The following TTC6 variants were observed in gnomAD, a reference collection of about 807,000 sequenced individuals.
TTC6 encodes tetratricopeptide repeat protein 6.
A neutral mutation model predicts 210.4 loss-of-function variants in TTC6; 172 were observed. The observed-to-expected ratio is 0.82, with a 90% CI of 0.72 to 0.93. TTC6 has a LOEUF of 0.93. Among genes scored for constraint, TTC6 ranks in the 40% least tolerant of loss-of-function variants. The probability of loss-of-function intolerance (pLI) is 0.00; values close to 1 mark genes in which losing one functional copy is unlikely to be tolerated. For synonymous variants in TTC6, 804 were observed against 819.6 expected (o/e 0.98, Z 0.32); for missense variants, 2,414 against 2,318.1 (o/e 1.04, Z -0.85).
At chr14:37,793,529 A>G (rs1595275640) in intron 17 of TTC6, among the ~76,000 whole-genome samples, 2 of 152,266 alleles carry the variant, frequency 1.3e-5, no homozygotes, top group South Asian at 4.1e-4. Flanking sequence ...TCTGCTGACA[A>G]TGGAGGTAGG....
chr14:37,818,012 A>G (rs1179044900), intron 26 of TTC6, among the ~76,000 whole-genome samples: 4 of 152,182 alleles, frequency 2.6e-5, no homozygotes, highest in Non-Finnish European at 4.4e-5. Flanking sequence ...AAAATAATTT[A>G]TTTTGTTCAT....
chr14:37,745,859 A>G (rs562483234), intron 10 of TTC6, among the ~76,000 whole-genome samples: 6 of 152,094 alleles, frequency 3.9e-5, no homozygotes, highest in African/African-American at 4.8e-5. Flanking sequence ...ACTTTGCCCA[A>G]CCTTCCTGTT....
chr14:37,739,637 A>G (rs1384123840), intron 10 of TTC6, among the ~76,000 whole-genome samples: 1 of 151,824 alleles, frequency 6.6e-6, no homozygotes, highest in Non-Finnish European at 1.5e-5. Context: ...TCTTAGTATA[A>G]GTATGTGAAT....
chr14:37,744,074 T>C (rs1318536849), intron 10 of TTC6, among the ~76,000 whole-genome samples: 1 of 152,210 alleles, frequency 6.6e-6, no homozygotes, highest in Non-Finnish European at 1.5e-5. Flanking sequence ...GTTTATCAGC[T>C]TAAAGTGAAG....
intron 18 of TTC6, among the ~76,000 whole-genome samples, chr14:37,795,895 G>C (rs2096091606): frequency 5.3e-5 from 8 of 152,074 alleles, no homozygotes; most frequent in Admixed American, 5.2e-4. Flanking sequence ...TATAGACCTG[G>C]GAAATGGAAT....
intron 29 of TTC6, among the ~76,000 whole-genome samples, chr14:37,835,553 C>G (rs1350258279): frequency 2.0e-5 from 3 of 152,042 alleles, no homozygotes; most frequent in Admixed American, 6.6e-5. Flanking sequence ...GGTTTGGGCA[C>G]AGTTGAATGT....
At chr14:37,684,430 C>A (rs1486063261) in intron 3 of TTC6, among the ~76,000 whole-genome samples, 1 of 152,168 alleles carries the variant, frequency 6.6e-6, no homozygotes, top group Non-Finnish European at 1.5e-5. Flanking sequence ...TGGTGACTGA[C>A]CCCATCAGTC....
At chr14:37,607,717 C>T (rs1467837639) in intron 2 of TTC6, among the ~76,000 whole-genome samples, 1 of 151,306 alleles carries the variant, frequency 6.6e-6, no homozygotes. Context: ...CAGCCTTGGA[C>T]TCCTGGGCTC....
chr14:37,623,043 C>T (rs1304868228), intron 1 of TTC6, 40 bp downstream of exon 3: 2 of 1,376,170 alleles, frequency 1.5e-6, no homozygotes, highest in Admixed American at 2.9e-5. Flanking sequence ...TTCCCAAATG[C>T]AATTTGGGTT....
At chr14:37,770,650 T>C (rs1215880607) in intron 14 of TTC6, among the ~76,000 whole-genome samples, 1 of 152,022 alleles carries the variant, frequency 6.6e-6, no homozygotes, top group Non-Finnish European at 1.5e-5. Context: ...GTTTTTCATT[T>C]GCTTGGTGGA....
rs1349277362 is a variant in TTC6, at chr14:37,812,360, C to G, written c.4616C>G (p.Thr1539Ser). The G allele has an allele frequency of 9.9e-6, 16 of 1,613,322 alleles. No individual in the cohort carries two copies. In the East Asian group the frequency reaches 3.6e-4, roughly 36 times the overall value. Residue 1539 changes from threonine to serine, a missense_variant, in exon 25 of 31, where the codon ACT becomes AGT. By Grantham distance (58) the Thr-to-Ser change is moderately conservative. Coordinates refer to ENST00000553443, the Ensembl canonical transcript of TTC6. The stretch of plus-strand genomic sequence containing the variant: ...GTGCTGCTTCTTGATGCTACAGAAA[C>G]TGTAAAACTAAATACCTTCCTTAAT...
chr14:37,749,523 A>G, intron 11 of TTC6, 122 bp downstream of exon 13: 1 of 1,063,662 alleles, frequency 9.4e-7, no homozygotes, highest in African/African-American at 1.6e-5. Context: ...AATTATTATA[A>G]CAGTATAATT....
At chr14:37,600,515 C>G (rs1317869877) in intron 1 of TTC6, among the ~76,000 whole-genome samples, 1 of 152,164 alleles carries the variant, frequency 6.6e-6, no homozygotes, top group African/African-American at 2.4e-5. Context: ...CACCCAGGAG[C>G]TTTCCCACGG....
intron 14 of TTC6, among the ~76,000 whole-genome samples, chr14:37,776,692 C>T (rs2096038570): frequency 6.6e-6 from 1 of 151,984 alleles, no homozygotes; most frequent in Non-Finnish European, 1.5e-5. Flanking sequence ...GAGTTCAAGA[C>T]CAGCCTGGCC....
At chr14:37,821,124 A>G (rs1344257434) in intron 26 of TTC6, among the ~76,000 whole-genome samples, 4 of 150,198 alleles carry the variant, frequency 2.7e-5, no homozygotes, top group Admixed American at 2.0e-4. Flanking sequence ...CTGGAGTACA[A>G]TGGCATGATC....
exon 31 of TTC6, chr14:37,842,305 G>C: frequency 6.3e-7 from 1 of 1,585,644 alleles, no homozygotes; most frequent in Non-Finnish European, 8.6e-7. Flanking sequence ...CATAGACTGT[G>C]GTTGCTATAG....
exon 31 of TTC6, chr14:37,842,440 G>T: frequency 1.6e-6 from 1 of 622,388 alleles, no homozygotes; most frequent in Non-Finnish European, 2.3e-6. Flanking sequence ...TTAATAAAAT[G>T]TTTGTTATAC....
At chr14:37,769,374 ATGGTACCAG>A (rs2096010341) in intron 14 of TTC6, among the ~76,000 whole-genome samples, 1 of 151,664 alleles carries the variant, frequency 6.6e-6, no homozygotes, top group East Asian at 1.9e-4. Context: ...TTCAGAAGGA[ATGGTACCAG>A]TTCCTCCTTG....
chr14:37,706,998 C>T (rs1272596183), intron 5 of TTC6, among the ~76,000 whole-genome samples: 2 of 151,768 alleles, frequency 1.3e-5, no homozygotes, highest in Non-Finnish European at 2.9e-5. Context: ...ATTTTATATT[C>T]TCTTTTTCCT....
Sources: allele counts gnomAD v4.1 joint callset (sites outside exome capture counted in the v4.1 genomes callset), GRCh38; gene constraint gnomAD v4.1.1; transcripts MANE v1.5; gene names NCBI Gene and HGNC (gene_info 2026-07-23, HGNC 2026-07-21).